The following USP49 variants were observed in gnomAD, a reference collection of about 807,000 sequenced individuals.
USP49 encodes ubiquitin specific peptidase 49, also known as ubiquitin carboxyl-terminal hydrolase 49.
In USP49, 24 loss-of-function variants were observed where a neutral mutation model predicts 58.6. That is an observed-to-expected ratio of 0.41 (90% confidence interval 0.30 to 0.58). The LOEUF (loss-of-function observed/expected upper bound fraction) is 0.58. Among genes scored for constraint, USP49 ranks in the 20% least tolerant of loss-of-function variants. USP49 has a pLI of 0.30. For missense variants in USP49, 703 were observed against 866.1 expected, an observed-to-expected ratio of 0.81 and a Z score of 2.36; for synonymous variants, 408 against 365.1, an observed-to-expected ratio of 1.12 and a Z score of -1.34.
chr6:41,831,207 T>C (rs902183611), intron 3 of USP49, among the ~76,000 whole-genome samples: 29 of 152,158 alleles, frequency 1.9e-4, no homozygotes, highest in African/African-American at 6.3e-4. Flanking sequence ...CTAACCAACA[T>C]GGTGAAACCC....
intron 3 of USP49, among the ~76,000 whole-genome samples, chr6:41,822,030 A>C (rs1773461370): frequency 6.6e-6 from 1 of 152,220 alleles, no homozygotes; most frequent in Non-Finnish European, 1.5e-5. Context: ...ACAATGTGAA[A>C]AATAGCACTT....
chr6:41,850,161 G>A (rs977744054), intron 3 of USP49, among the ~76,000 whole-genome samples: 9 of 152,084 alleles, frequency 5.9e-5, no homozygotes, highest in Non-Finnish European at 8.8e-5. Context: ...AAGAAGAAAG[G>A]TCCAGGTGCG....
chr6:41,797,530 A>C, intron 7 of USP49: 14 of 684,284 alleles, frequency 2.0e-5, no homozygotes, highest in Non-Finnish European at 2.5e-5. Flanking sequence ...CAGTCAGTGC[A>C]GTAGCTGGAA....
intron 3 of USP49, among the ~76,000 whole-genome samples, chr6:41,860,502 G>GTTTATTTA (rs773602486): frequency 1.7e-3 from 258 of 151,780 alleles, no homozygotes; most frequent in African/African-American, 6.0e-3. Context: ...TTTATTATTT[G>GTTTATTTA]TTTATTTATT....
At chr6:41,846,980 A>G (rs1391264709) in intron 3 of USP49, among the ~76,000 whole-genome samples, 1 of 152,216 alleles carries the variant, frequency 6.6e-6, no homozygotes, top group Non-Finnish European at 1.5e-5. Context: ...CATCAGGGGG[A>G]GCAAGAGGTC....
At chr6:41,802,831 G>C (rs1405797489) in intron 5 of USP49, among the ~76,000 whole-genome samples, 1 of 152,108 alleles carries the variant, frequency 6.6e-6, no homozygotes, top group African/African-American at 2.4e-5. Context: ...ACATGCCTCT[G>C]TAACCATATG....
chr6:41,795,873 G>A lies in USP49; in HGVS notation c.*660C>T, dbSNP rs1772876858. On this transcript the variant is annotated 3_prime_UTR_variant, in exon 8 of 8. Coordinates refer to ENST00000682992, the MANE Select transcript of USP49 (RefSeq NM_001286554.2). ...GTATTCATGCCAGTCTCAGAAGTATGGAATGATTATATGACAGCAGCAAGT... is the reference window on the plus strand; with the variant it reads ...GTATTCATGCCAGTCTCAGAAGTATAGAATGATTATATGACAGCAGCAAGT... The A allele has an allele frequency of 6.6e-6, 1 of 152,140 alleles. No homozygotes were observed. The highest frequency in any genetic ancestry group is 2.1e-4 in the South Asian group (1 of 4,834). The allele number at this position is 152,140 out of a possible 1,614,324, so 9.4% of individuals were successfully genotyped here.
intron 2 of USP49, among the ~76,000 whole-genome samples, chr6:41,881,531 C>G (rs1338271509): frequency 6.6e-6 from 1 of 151,138 alleles, no homozygotes; most frequent in Non-Finnish European, 1.5e-5. Flanking sequence ...GAAAAAGAAA[C>G]TAAAGGAAAA....
chr6:41,802,445 TTTA>T (rs1561902601), intron 5 of USP49, among the ~76,000 whole-genome samples: 13 of 82,000 alleles, frequency 1.6e-4, no homozygotes, highest in African/African-American at 7.3e-4. Context: ...TATTTATTTA[TTTA>T]TTTATTTATT....
intron 3 of USP49, among the ~76,000 whole-genome samples, chr6:41,855,834 G>A (rs895151034): frequency 1.3e-5 from 2 of 149,922 alleles, no homozygotes; most frequent in South Asian, 2.1e-4. Flanking sequence ...GATCACCTGA[G>A]GTCAGGAGTT....
rs1384209732 is a variant in USP49, at chr6:41,790,498, C to G, written c.*6035G>C. 6.6e-6 allele frequency: 1 copy of G among 151,940 alleles called. No homozygotes were observed. The highest frequency in any genetic ancestry group is 2.4e-5 in the African/African-American group (1 of 41,348). The allele number at this position is 151,940 out of a possible 1,614,324, so 9.4% of individuals were successfully genotyped here. ...AGGTCCACCATGGCAATATTTTTTT[C>G]TGGCCAGTTTACTAGGCATTAAAAA... On this transcript the variant is annotated 3_prime_UTR_variant, in exon 8 of 8. Transcript: ENST00000682992.
At chr6:41,816,699 A>G (rs1030899609) in intron 3 of USP49, among the ~76,000 whole-genome samples, 3 of 111,456 alleles carry the variant, frequency 2.7e-5, no homozygotes, top group African/African-American at 3.8e-5. Flanking sequence ...AGAGTTCCAC[A>G]CTCTATTATT....
chr6:41,836,856 C>G (rs756441482), intron 3 of USP49, among the ~76,000 whole-genome samples: 4 of 150,506 alleles, frequency 2.7e-5, no homozygotes, highest in Admixed American at 6.6e-5. Flanking sequence ...GACACACACA[C>G]GCACACACAC....
chr6:41,803,693 G>T lies in USP49; in HGVS notation c.1561+113C>A. 8.7e-7 allele frequency: 1 copy of T among 1,154,646 alleles called. No homozygotes were observed. The highest frequency in any genetic ancestry group is 1.3e-6 in the Non-Finnish European group (1 of 796,506). The allele number at this position is 1,154,646 out of a possible 1,614,324, so 71.5% of individuals were successfully genotyped here. A position where few individuals can be genotyped will look rare whatever the true frequency, so the allele number is the denominator to read the frequency against. ...AAAAAGATCTTTAAAAGATGCTTTA[G>T]AACCATTCAATATCATTAGTGTTAC... On this transcript the variant is annotated intron_variant, in intron 5 of 7. Transcript: ENST00000682992. The surrounding 1 kb of genome is among the most constrained non-coding windows in gnomAD (Gnocchi z 4.1).
In USP49 at chr6:41,880,002, G is replaced by T. The variant is rs184813830; in HGVS notation, c.-102-8365C>A. Among the ~76,000 whole-genome samples the T allele has an allele frequency of 2.2e-3, 332 of 152,092 alleles. 2 individuals carry two copies. Among genetic ancestry groups the T allele is most frequent in the African/African-American group, 7.7e-3 (319 of 41,492 alleles). On this transcript the variant is annotated intron_variant, in intron 2 of 7. Transcript: ENST00000682992. Reference sequence around the variant, plus strand: ...TTTTAAGGAAATTCCCTAAATGAAAGATCAAAATAAATGAAATGAACAAGT... The same window carrying T: ...TTTTAAGGAAATTCCCTAAATGAAATATCAAAATAAATGAAATGAACAAGT...
intron 3 of USP49, chr6:41,868,789 A>C (rs1774365020): frequency 6.6e-6 from 1 of 151,030 alleles, no homozygotes; most frequent in Non-Finnish European, 1.5e-5. Context: ...TTTCAGACAG[A>C]CTCTTGCTCT....
At chr6:41,812,573 G>C (rs2127328207) in intron 3 of USP49, among the ~76,000 whole-genome samples, 1 of 151,970 alleles carries the variant, frequency 6.6e-6, no homozygotes, top group African/African-American at 2.4e-5. Context: ...GGCGCCTGTA[G>C]TCCCAGCTAC....
intron 3 of USP49, among the ~76,000 whole-genome samples, chr6:41,852,322 T>A (rs1774045439): frequency 6.6e-6 from 1 of 151,990 alleles, no homozygotes; most frequent in African/African-American, 2.4e-5. Flanking sequence ...TGAAACTCCA[T>A]CTCAGAAAAG....
chr6:41,836,647 G>A (rs976674879), intron 3 of USP49, among the ~76,000 whole-genome samples: 5 of 151,940 alleles, frequency 3.3e-5, no homozygotes, highest in African/African-American at 7.2e-5. Context: ...AAAGTAAATC[G>A]ATAAATAAAA....
Sources: gnomAD v4.1 joint callset for allele counts (sites outside exome capture counted in the v4.1 genomes callset) on GRCh38, gnomAD v4.1.1 for gene constraint, Gnocchi (gnomAD v3.1) non-coding constraint, MANE v1.5 for transcripts, NCBI Gene and HGNC (gene_info 2026-07-23, HGNC 2026-07-21) for gene names.